Variants in ROBO2 observed in about 807,000 individuals in gnomAD.
ROBO2 encodes the protein roundabout guidance receptor 2, also known as roundabout homolog 2.
In ROBO2, 53 loss-of-function variants were observed where a neutral mutation model predicts 160.8. That is an observed-to-expected ratio of 0.33 (90% CI 0.26 to 0.41). The LOEUF (loss-of-function observed/expected upper bound fraction) is 0.41. Among genes scored for constraint, ROBO2 ranks in the 10% least tolerant of loss-of-function variants. The pLI, the probability that ROBO2 is intolerant of heterozygous loss-of-function variation, is 1.00. For synonymous variants in ROBO2, 664 were observed against 611.7 expected, an observed-to-expected ratio of 1.09 and a Z score of -1.26; for missense variants, 1,577 against 1,722.4, an observed-to-expected ratio of 0.92 and a Z score of 1.49.
At chr3:76,236,202 G>A (rs972170977) in intron 2 of ROBO2, among the ~76,000 whole-genome samples, 2 of 151,858 alleles carry the variant, frequency 1.3e-5, no homozygotes, top group Non-Finnish European at 2.9e-5. Flanking sequence ...CAATTTACAT[G>A]TAGTATAGAT....
chr3:77,594,059 C>G (rs987590551), intron 17 of ROBO2, among the ~76,000 whole-genome samples: 17 of 152,194 alleles, frequency 1.1e-4, no homozygotes, highest in African/African-American at 4.1e-4. Flanking sequence ...CTTTTGCAAG[C>G]TGTACACTTC....
intron 2 of ROBO2, among the ~76,000 whole-genome samples, chr3:76,445,425 C>A (rs1303239424): frequency 1.3e-5 from 2 of 152,078 alleles, no homozygotes; most frequent in African/African-American, 4.8e-5. Context: ...AGTAAATATT[C>A]TTTTTCATTT....
chr3:77,405,587 G>A (rs568832748), intron 2 of ROBO2, among the ~76,000 whole-genome samples: 1 of 151,946 alleles, frequency 6.6e-6, no homozygotes, highest in South Asian at 2.1e-4. Context: ...CAATTACTGA[G>A]TGTGGGATAA....
intron 2 of ROBO2, among the ~76,000 whole-genome samples, chr3:76,572,281 T>TGCATCCAGCTTCAGACCGG (rs745411611): frequency 3.4e-4 from 51 of 152,120 alleles, no homozygotes; most frequent in Non-Finnish European, 6.5e-4. Flanking sequence ...TTTAAACCTG[T>TGCATCCAGCTTCAGACCGG]GCATCCAGCT....
chr3:77,106,593 A>C (rs1178096503), intron 2 of ROBO2, among the ~76,000 whole-genome samples: 1 of 152,184 alleles, frequency 6.6e-6, no homozygotes, highest in Non-Finnish European at 1.5e-5. Flanking sequence ...AGGCCTTTAC[A>C]GAATTATAGA....
chr3:77,280,279 C>T (rs185102123), intron 2 of ROBO2, among the ~76,000 whole-genome samples: 10 of 152,304 alleles, frequency 6.6e-5, no homozygotes, highest in Middle Eastern at 3.4e-3. Flanking sequence ...GATATTTTCC[C>T]TTGATGAATT....
chr3:76,507,584 G>T, intron 2 of ROBO2, among the ~76,000 whole-genome samples: 1 of 151,984 alleles, frequency 6.6e-6, no homozygotes, highest in East Asian at 1.9e-4. Context: ...CTATAAAAGA[G>T]CTTAACAGTA....
rs375184512 is a variant in ROBO2 at position 77,564,297 on chromosome 3, T to C, written c.1683-657T>C. 1.6e-4 allele frequency among the ~76,000 whole-genome samples: 25 copies of C among 152,242 alleles called. No homozygotes were observed. In the East Asian group the frequency reaches 3.7e-3, roughly 22 times the overall value. On this transcript the variant is annotated intron_variant, in intron 11 of 25. Transcript: ENST00000461745. Reference sequence around the variant, plus strand: ...ACAAACTGTTCTAAAATGGCATCCATCTGTGGCTGGCTGTAAATGGGTCCT... The same window carrying C: ...ACAAACTGTTCTAAAATGGCATCCACCTGTGGCTGGCTGTAAATGGGTCCT...
intron 2 of ROBO2, among the ~76,000 whole-genome samples, chr3:77,258,044 GTATTGATTT>G (rs1161000368): frequency 2.6e-5 from 4 of 152,242 alleles, no homozygotes. Context: ...ATGAAAAAGA[GTATTGATTT>G]TATAACCTGT....
At chr3:77,247,708 T>A (rs898455562) in intron 2 of ROBO2, among the ~76,000 whole-genome samples, 5 of 152,196 alleles carry the variant, frequency 3.3e-5, no homozygotes, top group African/African-American at 1.2e-4. Flanking sequence ...TCTTTTTGCT[T>A]TAGGTTATCA....
chr3:76,577,826 A>T (rs892885454), intron 2 of ROBO2, among the ~76,000 whole-genome samples: 1 of 152,172 alleles, frequency 6.6e-6, no homozygotes, highest in African/African-American at 2.4e-5. Context: ...TTCACAAGTG[A>T]TGAGATAAGA....
At chr3:76,792,740 C>CAAA (rs1273850027) in intron 2 of ROBO2, among the ~76,000 whole-genome samples, 1 of 151,402 alleles carries the variant, frequency 6.6e-6, no homozygotes, top group East Asian at 2.0e-4. Context: ...ACAACAACAA[C>CAAA]AAAAAAATCC....
intron 2 of ROBO2, among the ~76,000 whole-genome samples, chr3:76,932,067 A>G (rs1200200923): frequency 6.6e-6 from 1 of 152,170 alleles, no homozygotes; most frequent in Non-Finnish European, 1.5e-5. Context: ...GGCTGTAATG[A>G]TTCTAAATAT....
rs143073041 is a variant in ROBO2 at position 77,428,435 on chromosome 3, C to T, written c.389-48979C>T. On this transcript the variant is annotated intron_variant, in intron 2 of 25. Coordinates refer to ENST00000461745, the Ensembl canonical transcript of ROBO2. ...CAGTGGCGCAATCTCGGCTCACTTG[C>T]AAGCTCCACTTCCCGGGTTCACGCC... Among the ~76,000 whole-genome samples, 420 of 143,704 alleles carry T rather than the reference C, an allele frequency of 2.9e-3. 5 individuals are homozygous for T. In the Middle Eastern group the frequency reaches 0.036, roughly 12 times the overall value. The allele number at this position is 143,704 out of a possible 152,430, so 94.3% of individuals were successfully genotyped here.
chr3:77,318,897 G>T (rs1372655275), intron 2 of ROBO2, among the ~76,000 whole-genome samples: 1 of 152,084 alleles, frequency 6.6e-6, no homozygotes, highest in Non-Finnish European at 1.5e-5. Flanking sequence ...TGTACTTCAG[G>T]TCATCATGAT....
intron 24 of ROBO2, among the ~76,000 whole-genome samples, chr3:77,637,932 A>G (rs1020513868): frequency 1.2e-4 from 19 of 152,172 alleles, no homozygotes; most frequent in Non-Finnish European, 1.5e-5. Context: ...ATGTTTCTAA[A>G]TTTTCAAAAT....
intron 2 of ROBO2, among the ~76,000 whole-genome samples, chr3:77,208,450 A>G (rs1016762952): frequency 6.6e-6 from 1 of 152,146 alleles, no homozygotes; most frequent in African/African-American, 2.4e-5. Context: ...ATACAGTTAC[A>G]CAAGCCGGCA....
intron 5 of ROBO2, among the ~76,000 whole-genome samples, chr3:77,509,856 C>T (rs1412228180): frequency 6.6e-6 from 1 of 151,932 alleles, no homozygotes; most frequent in Non-Finnish European, 1.5e-5. Context: ...ATAAAAGTGA[C>T]AGGGTCATGC....
chr3:76,613,954 T>C (rs2088356795), intron 2 of ROBO2, among the ~76,000 whole-genome samples: 1 of 152,106 alleles, frequency 6.6e-6, no homozygotes, highest in Admixed American at 6.5e-5. Context: ...TATACATTTT[T>C]TTTTCATGGG....
Sources: gnomAD v4.1 joint callset for allele counts (sites outside exome capture counted in the v4.1 genomes callset) on GRCh38, gnomAD v4.1.1 for gene constraint, MANE v1.5 for transcripts, NCBI Gene and HGNC (gene_info 2026-07-23, HGNC 2026-07-21) for gene names.